METTL14: variants seen among roughly 807,000 people sequenced by gnomAD.
METTL14 encodes methyltransferase 14, N6-adenosine-methyltransferase non-catalytic subunit, also known as N(6)-adenosine-methyltransferase non-catalytic subunit METTL14.
A neutral mutation model predicts 62.4 loss-of-function variants in METTL14; 32 were observed. That is an observed-to-expected ratio of 0.51 (90% CI 0.39 to 0.69). METTL14 has a LOEUF of 0.69. Among genes scored for constraint, METTL14 ranks in the 30% least tolerant of loss-of-function variants. The pLI is 0.00. For synonymous variants in METTL14, 150 were observed against 180.0 expected, an observed-to-expected ratio of 0.83 and a Z score of 1.34; for missense variants, 340 against 551.9, an observed-to-expected ratio of 0.62 and a Z score of 3.85.
rs1417888619 is a variant in METTL14 at position 118,705,594 on chromosome 4, C to T, written c.856-17C>T. On this transcript the variant is annotated splice_polypyrimidine_tract_variant and intron_variant, in intron 9 of 10. Transcript: ENST00000388822. The stretch of plus-strand genomic sequence containing the variant: ...TGTTGATGAAAACAGATTAATTGGT[C>T]TGCTCTTGTTATTTAGGAACACTGC... 6.9e-6 allele frequency: 11 copies of T among 1,602,526 alleles called. No homozygotes were observed. The highest frequency in any genetic ancestry group is 1.7e-4 in the Middle Eastern group (1 of 6,048).
In METTL14 at chr4:118,694,529, A is replaced by T; in HGVS notation, c.503+3A>T. ...GCTAAATCTAACACTCCTCCCATGT[A>T]AGTGTTTTTATTCAATTACTGTTTA... On this transcript the variant is annotated splice_donor_region_variant and intron_variant, in intron 6 of 10. Coordinates refer to ENST00000388822, the MANE Select transcript of METTL14 (RefSeq NM_020961.4). The T allele has an allele frequency of 6.2e-7, 1 of 1,601,322 alleles. No homozygotes were observed. Among genetic ancestry groups the T allele is most frequent in the African/African-American group, 1.3e-5 (1 of 74,788 alleles).
chr4:118,697,117 A>T, intron 6 of METTL14, 65 bp from the exon 7 acceptor site: 1 of 1,207,414 alleles, frequency 8.3e-7, no homozygotes, highest in Non-Finnish European at 1.2e-6. Context: ...CTGTTAAGGT[A>T]CTTGAAAATC....
intron 3 of METTL14, among the ~76,000 whole-genome samples, chr4:118,690,919 T>G (rs1418528632): frequency 6.6e-6 from 1 of 152,186 alleles, no homozygotes; most frequent in Non-Finnish European, 1.5e-5. Context: ...AATATTTAGT[T>G]GAAATAGTTG....
At chr4:118,690,038 T>TTTTTC (rs1724198010) in intron 3 of METTL14, among the ~76,000 whole-genome samples, 1 of 131,582 alleles carries the variant, frequency 7.6e-6, no homozygotes. Context: ...TAATATTCTT[T>TTTTTC]TTTTTTTTTT....
Position 118,685,439 on chromosome 4 carries a change from C to A in METTL14, c.-96C>A, listed in dbSNP as rs991398422. 6 of 1,228,078 alleles carry A rather than the reference C, an allele frequency of 4.9e-6. No individual in the cohort carries two copies. The highest frequency in any genetic ancestry group is 6.0e-6 in the Non-Finnish European group (5 of 830,992). 76.1% of individuals were successfully genotyped at this position (1,228,078 alleles called of 1,614,324 possible). A position where few individuals can be genotyped will look rare whatever the true frequency, so the allele number is the denominator to read the frequency against. ...TGAGGATACTCTGTTCGTAAGCTCC[C>A]GGTGAATTTTGTTCCACAGACTCGG... On this transcript the variant is annotated 5_prime_UTR_variant, in exon 1 of 11. Coordinates refer to ENST00000388822, the MANE Select transcript of METTL14 (RefSeq NM_020961.4).
intron 4 of METTL14, 86 bp from the exon 5 acceptor site, chr4:118,691,895 A>G: frequency 1.2e-6 from 1 of 852,010 alleles, no homozygotes; most frequent in Non-Finnish European, 1.9e-6. Context: ...TGCATTTTAT[A>G]TCACCTTGTA....
At position 118,710,335 on chromosome 4, in the gene METTL14, C is replaced by G. The variant is rs992201968; in HGVS notation, c.*33C>G. ...AGACATTGAACCTATTCATCCTCCT[C>G]TAACCTTCTTTATTGTAATTAAATT... is the stretch of plus-strand genomic sequence containing the variant. On this transcript the variant is annotated 3_prime_UTR_variant, in exon 11 of 11. Transcript: ENST00000388822. 6.4e-7 allele frequency: 1 copy of G among 1,553,678 alleles called. No homozygotes were observed.
Position 118,700,574 on chromosome 4 carries a change from A to C in METTL14, c.670A>C (p.Ile224Leu), listed in dbSNP as rs774952896. ...DDIMKLEIDEIAAPRSFIFLW... is the reference protein window; with the variant it reads ...DDIMKLEIDELAAPRSFIFLW... Reference sequence around the variant, plus strand: ...GATTATGAAGTTAGAAATTGATGAGATTGCAGCACCTCGATCATTTATTTT... The same window carrying C: ...GATTATGAAGTTAGAAATTGATGAGCTTGCAGCACCTCGATCATTTATTTT... The change falls in exon 8 of 11, where the codon ATT (isoleucine) becomes CTT (leucine). Residue 224 changes from isoleucine (I) to leucine (L), a missense_variant. This residue lies in a region of METTL14 where 58 missense variants were observed against 147.5 expected (regional missense o/e 0.39). Transcript: ENST00000388822. 1 of 1,613,128 alleles carries C rather than the reference A, an allele frequency of 6.2e-7. No individual in the cohort carries two copies. Among genetic ancestry groups the C allele is most frequent in the Non-Finnish European group, 8.5e-7 (1 of 1,179,344 alleles).
chr4:118,703,457 G>A (rs6836361), intron 8 of METTL14, among the ~76,000 whole-genome samples: 1,683 of 152,304 alleles, frequency 0.011, 37 homozygotes, highest in African/African-American at 0.038. Flanking sequence ...CATTTTTACA[G>A]TTGTATTAAA....
intron 6 of METTL14, among the ~76,000 whole-genome samples, chr4:118,696,489 G>A (rs1724417184): frequency 6.6e-6 from 1 of 152,040 alleles, no homozygotes; most frequent in Non-Finnish European, 1.5e-5. Context: ...GTATAATCAG[G>A]CCTGTGAATA....
chr4:118,695,649 A>C (rs1198338034), intron 6 of METTL14, among the ~76,000 whole-genome samples: 1 of 152,198 alleles, frequency 6.6e-6, no homozygotes, highest in Non-Finnish European at 1.5e-5. Flanking sequence ...GAAGAAAACA[A>C]ATATTAATTA....
chr4:118,704,186 A>G, intron 9 of METTL14, 135 bp downstream of exon 9: 3 of 599,352 alleles, frequency 5.0e-6, no homozygotes, highest in Admixed American at 3.8e-5. Context: ...ATTGAGCATT[A>G]CAGGAATACA....
chr4:118,714,052 G>C lies in METTL14; in HGVS notation c.*3750G>C, dbSNP rs767601301. 1 of 152,152 alleles carries C rather than the reference G, an allele frequency of 6.6e-6. No homozygotes were observed. The highest frequency in any genetic ancestry group is 1.5e-5 in the Non-Finnish European group (1 of 68,016). The allele number at this position is 152,152 out of a possible 1,614,324, so 9.4% of individuals were successfully genotyped here. A position where few individuals can be genotyped will look rare whatever the true frequency, so the allele number is the denominator to read the frequency against. On this transcript the variant is annotated 3_prime_UTR_variant, in exon 11 of 11. Transcript: ENST00000388822. ...TGCTAATAAACTGAAATCAGATAAG[G>C]TAGGTTTTTCCAAAAATACTTCTAA...
intron 5 of METTL14, among the ~76,000 whole-genome samples, 175 bp from the exon 6 acceptor site, chr4:118,694,261 G>A (rs1366122215): frequency 6.6e-6 from 1 of 151,880 alleles, no homozygotes; most frequent in Non-Finnish European, 1.5e-5. Context: ...CATGTCATTA[G>A]TTATGAAATC....
intron 8 of METTL14, among the ~76,000 whole-genome samples, chr4:118,702,127 T>C (rs978488883): frequency 6.7e-6 from 1 of 150,158 alleles, no homozygotes; most frequent in Non-Finnish European, 1.5e-5. Context: ...TCTTTTTTTT[T>C]TTTTTTTTTT....
chr4:118,692,124 A>G (rs1233787071), intron 5 of METTL14, 56 bp downstream of exon 5: 2 of 1,007,072 alleles, frequency 2.0e-6, no homozygotes, highest in African/African-American at 1.7e-5. Context: ...CATGCATGTA[A>G]TTTATCCAAT....
At chr4:118,692,259 G>GTGT (rs1411644802) in intron 5 of METTL14, among the ~76,000 whole-genome samples, 191 bp downstream of exon 5, 1 of 130,262 alleles carries the variant, frequency 7.7e-6, no homozygotes, top group Non-Finnish European at 1.6e-5. Flanking sequence ...GAGCCTTGCT[G>GTGT]TGTTGCTCAG....
At chr4:118,704,157 T>C (rs1471017083) in intron 9 of METTL14, 106 bp downstream of exon 9, 6 of 674,242 alleles carry the variant, frequency 8.9e-6, no homozygotes, top group Non-Finnish European at 1.5e-5. Context: ...GGTCCTTTTC[T>C]TAGACTTGTA....
intron 9 of METTL14, 38 bp from the exon 10 acceptor site, chr4:118,705,573 G>A: frequency 1.3e-6 from 2 of 1,520,536 alleles, no homozygotes; most frequent in Non-Finnish European, 1.8e-6. Flanking sequence ...AATGACTGTT[G>A]ATGAAAACAG....
Sources: gnomAD v4.1 joint callset for allele counts (sites outside exome capture counted in the v4.1 genomes callset) on GRCh38, gnomAD v4.1.1 for gene constraint, gnomAD v4.1.1 regional missense constraint, MANE v1.5 for transcripts, NCBI Gene and HGNC (gene_info 2026-07-23, HGNC 2026-07-21) for gene names.